Variants in COQ10B observed in about 807,000 individuals in gnomAD.
COQ10B encodes coenzyme Q-binding protein COQ10 homolog B, mitochondrial.
In COQ10B, 12 loss-of-function variants were observed where a neutral mutation model predicts 27.6. That is an observed-to-expected ratio of 0.43 (90% CI 0.28 to 0.70). The LOEUF (loss-of-function observed/expected upper bound fraction) is 0.70, where lower values mean the gene tolerates loss of function less well. Ranked by LOEUF, COQ10B falls within the 30% of genes least tolerant of loss-of-function variation. The pLI, the probability that COQ10B is intolerant of heterozygous loss-of-function variation, is 0.17. For synonymous variants in COQ10B, 115 were observed against 103.0 expected, an observed-to-expected ratio of 1.12 and a Z score of -0.71; for missense variants, 278 against 288.7, an observed-to-expected ratio of 0.96 and a Z score of 0.27.
intron 2 of COQ10B, among the ~76,000 whole-genome samples, chr2:197,461,509 G>A (rs2085757112): frequency 6.6e-6 from 1 of 151,838 alleles, no homozygotes; most frequent in Non-Finnish European, 1.5e-5. Flanking sequence ...ATTGTCACAG[G>A]TGTTACCTGT....
At chr2:197,471,763 G>A (rs1028886871) in intron 4 of COQ10B, among the ~76,000 whole-genome samples, 17 of 151,914 alleles carry the variant, frequency 1.1e-4, no homozygotes, top group African/African-American at 3.6e-4. Context: ...CCAACATGGC[G>A]AAACCCCATC....
At chr2:197,461,661 G>T (rs1421839736) in intron 2 of COQ10B, among the ~76,000 whole-genome samples, 1 of 145,334 alleles carries the variant, frequency 6.9e-6, no homozygotes, top group Non-Finnish European at 1.5e-5. Context: ...GAGAGAGAGA[G>T]AGAGGTGTAC....
chr2:197,473,977 A>C lies in COQ10B; in HGVS notation c.*53A>C. 1 of 1,359,070 alleles carries C rather than the reference A, an allele frequency of 7.4e-7. No individual in the cohort carries two copies. The highest frequency in any genetic ancestry group is 9.7e-7 in the Non-Finnish European group (1 of 1,028,192). 84.2% of individuals were successfully genotyped at this position (1,359,070 alleles called of 1,614,324 possible). ...TTCTGACTTTAGTTTGTTCACTTTT[A>C]GGAAGTATTTTCATGACATGTTTTC... On this transcript the variant is annotated 3_prime_UTR_variant, in exon 5 of 5. Transcript: ENST00000263960.
intron 4 of COQ10B, among the ~76,000 whole-genome samples, chr2:197,473,034 C>T (rs1032252847): frequency 1.3e-5 from 2 of 152,052 alleles, no homozygotes; most frequent in African/African-American, 4.8e-5. Flanking sequence ...AGGTTTTTTC[C>T]AGTCTTCTCT....
chr2:197,453,604 CG>C lies in COQ10B; in HGVS notation c.47del (p.Gly16AspfsTer22), dbSNP rs2085662245. The C allele has an allele frequency of 1.2e-6, 2 of 1,613,734 alleles. No individual in the cohort carries two copies. The highest frequency in any genetic ancestry group is 1.7e-6 in the Non-Finnish European group (2 of 1,179,956). On this transcript the variant is annotated frameshift_variant, in exon 1 of 5. Coordinates refer to ENST00000263960, the MANE Select transcript of COQ10B (RefSeq NM_025147.5). LOFTEE classifies it high-confidence loss of function. ...CATACGGCCTTGAGAAGGGTAGTCT[CG>C]GGATGCCGTCCGAAGTCGGCGACAG... ...TGHTALRRVV[S>X]GCRPKSATAA...
intron 3 of COQ10B, among the ~76,000 whole-genome samples, chr2:197,464,747 A>G (rs1413485998): frequency 6.6e-6 from 1 of 152,180 alleles, no homozygotes; most frequent in Non-Finnish European, 1.5e-5. Flanking sequence ...TAGAAGAGAT[A>G]GAAAACTTGC....
At chr2:197,465,483 G>A (rs1276509897) in intron 3 of COQ10B, among the ~76,000 whole-genome samples, 1 of 151,790 alleles carries the variant, frequency 6.6e-6, no homozygotes, top group African/African-American at 2.4e-5. Flanking sequence ...GTAGAGACGG[G>A]GTTTCTCCAT....
At chr2:197,455,759 A>G (rs2085691083) in intron 1 of COQ10B, among the ~76,000 whole-genome samples, 2 of 152,144 alleles carry the variant, frequency 1.3e-5, no homozygotes, top group Non-Finnish European at 2.9e-5. Context: ...CAGGAGTTTG[A>G]GACCAGCTTG....
intron 3 of COQ10B, 80 bp from the exon 4 acceptor site, chr2:197,469,990 C>A: frequency 1.3e-6 from 1 of 795,972 alleles, no homozygotes; most frequent in Non-Finnish European, 2.1e-6. Flanking sequence ...AAGAAATCAG[C>A]CTCAGTCATA....
chr2:197,460,005 T>A lies in COQ10B; in HGVS notation c.178T>A (p.Cys60Ser). Residue 60 changes from cysteine to serine, a missense_variant, in exon 2 of 5, where the codon TGT (cysteine) becomes AGT (serine). This residue lies in a region of COQ10B where 183 missense variants were observed against 158.2 expected (regional missense o/e 1.16). Coordinates refer to ENST00000263960, the MANE Select transcript of COQ10B (RefSeq NM_025147.5). Reference sequence around the variant, plus strand: ...TACCTCAATTTTGCCTAAGGAGATATGTGCACGAACTTTCTTCAAAATCAC... The same window carrying A: ...TACCTCAATTTTGCCTAAGGAGATAAGTGCACGAACTTTCTTCAAAATCAC... ...LHTSILPKEI[C>S]ARTFFKITAP... The A allele has an allele frequency of 6.2e-7, 1 of 1,611,694 alleles. No homozygotes were observed. Among genetic ancestry groups the A allele is most frequent in the Non-Finnish European group, 8.5e-7 (1 of 1,178,034 alleles).
chr2:197,472,815 A>AAG (rs2085892489), intron 4 of COQ10B, among the ~76,000 whole-genome samples: 1 of 151,382 alleles, frequency 6.6e-6, no homozygotes, highest in Non-Finnish European at 1.5e-5. Flanking sequence ...AAAAAAAAAA[A>AAG]AAAAAAGAAA....
chr2:197,458,622 AC>A (rs2085724363), intron 1 of COQ10B, among the ~76,000 whole-genome samples: 2 of 152,196 alleles, frequency 1.3e-5, no homozygotes, highest in South Asian at 4.2e-4. Context: ...GCCAGCAATG[AC>A]TAAATGACTA....
chr2:197,462,062 G>A (rs966439309), intron 2 of COQ10B, among the ~76,000 whole-genome samples: 2 of 152,028 alleles, frequency 1.3e-5, no homozygotes, highest in African/African-American at 4.8e-5. Flanking sequence ...CAGGTCAGGA[G>A]ATCGAGACCG....
At chr2:197,459,815 A>G in intron 1 of COQ10B, 117 bp from the exon 2 acceptor site, 1 of 620,018 alleles carries the variant, frequency 1.6e-6, no homozygotes, top group South Asian at 3.5e-5. Flanking sequence ...ATTTTTTCAG[A>G]AACATTCTGA....
chr2:197,455,962 CACA>C (rs2085693932), intron 1 of COQ10B, among the ~76,000 whole-genome samples: 1 of 151,678 alleles, frequency 6.6e-6, no homozygotes, highest in South Asian at 2.1e-4. Context: ...CTGACTCAAA[CACA>C]ACAACAACAA....
At chr2:197,458,695 T>G (rs2085725431) in intron 1 of COQ10B, among the ~76,000 whole-genome samples, 2 of 151,648 alleles carry the variant, frequency 1.3e-5, no homozygotes, top group African/African-American at 2.4e-5. Flanking sequence ...TTTTTTTTTT[T>G]TTTGAGACGG....
intron 2 of COQ10B, among the ~76,000 whole-genome samples, chr2:197,461,785 C>T (rs1035158775): frequency 1.3e-5 from 2 of 151,944 alleles, no homozygotes; most frequent in Admixed American, 6.6e-5. Flanking sequence ...GGATTACAAG[C>T]GTGTGCCACC....
chr2:197,455,366 C>G (rs141544530), intron 1 of COQ10B, among the ~76,000 whole-genome samples: 7 of 152,164 alleles, frequency 4.6e-5, no homozygotes, highest in Admixed American at 3.3e-4. Context: ...TGGCTTATGC[C>G]TGTAATTCCA....
At chr2:197,467,894 G>T (rs1032692562) in intron 3 of COQ10B, among the ~76,000 whole-genome samples, 1 of 152,176 alleles carries the variant, frequency 6.6e-6, no homozygotes, top group African/African-American at 2.4e-5. Flanking sequence ...AGAGGCAACA[G>T]TTCAATGACT....
Sources: gnomAD v4.1 joint callset for allele counts (sites outside exome capture counted in the v4.1 genomes callset) on GRCh38, gnomAD v4.1.1 for gene constraint, gnomAD v4.1.1 regional missense constraint, MANE v1.5 for transcripts, NCBI Gene and HGNC (gene_info 2026-07-23, HGNC 2026-07-21) for gene names.